The following IGLL5 variants were observed in gnomAD, a reference collection of about 807,000 sequenced individuals.
The protein encoded by IGLL5 is immunoglobulin lambda like polypeptide 5, also known as immunoglobulin lambda-like polypeptide 5.
A neutral mutation model predicts 20.9 loss-of-function variants in IGLL5; 30 were observed. That is an observed-to-expected ratio of 1.44 (90% CI 1.07 to 1.95). IGLL5 has a LOEUF of 1.95. IGLL5 is among the 30% of genes most tolerant of loss of function. The pLI, the probability that IGLL5 is intolerant of heterozygous loss-of-function variation, is 0.00. For missense variants in IGLL5, 475 were observed against 270.7 expected, an observed-to-expected ratio of 1.75 and a Z score of -5.30; for synonymous variants, 203 against 117.3, an observed-to-expected ratio of 1.73 and a Z score of -4.72.
chr22:22,892,799 C>A (rs6003382), intron 1 of IGLL5, among the ~76,000 whole-genome samples: 3,426 of 150,968 alleles, frequency 0.023, 136 homozygotes, highest in African/African-American at 0.074. Context: ...AATTAGGAGA[C>A]TACAGAGAGC....
At position 22,890,591 on chromosome 22, in the gene IGLL5, GTGTGTGTGTA is replaced by G. The variant is rs1268971533; in HGVS notation, c.206+2338_206+2347del. On this transcript the variant is annotated intron_variant, in intron 1 of 2. Coordinates refer to ENST00000526893, the MANE Select transcript of IGLL5 (RefSeq NM_001178126.2). The stretch of plus-strand genomic sequence containing the variant: ...TGTGTGTGTGTGTGTGTGTGTGTGT[GTGTGTGTGTA>G]TGTGTACAAAGTGCACTTATATATC... Among the ~76,000 whole-genome samples the G allele has an allele frequency of 5.3e-3, 750 of 141,584 alleles. 12 individuals are homozygous for G. Among genetic ancestry groups the G allele is most frequent in the African/African-American group, 0.019 (649 of 34,486 alleles). 92.9% of individuals were successfully genotyped at this position (141,584 alleles called of 152,430 possible). A position where few individuals can be genotyped will look rare whatever the true frequency, so the allele number is the denominator to read the frequency against.
At position 22,888,158 on chromosome 22, in the gene IGLL5, C is replaced by T. The variant is rs1393753633; in HGVS notation, c.105C>T (p.Ala35=). The T allele has an allele frequency of 1.3e-6, 2 of 1,549,328 alleles. No homozygotes were observed. The highest frequency in any genetic ancestry group is 2.5e-5 in the East Asian group (1 of 40,650). ...PLLLLGLAMV[A]HGLLRPMVAP... ...TGCTGCTGGGTCTGGCCATGGTCGC[C>T]CATGGCCTGCTGCGCCCAATGGTTG... The change falls in exon 1 of 3, where the codon GCC becomes GCT. Residue 35 remains alanine (A), a synonymous_variant. Coordinates refer to ENST00000526893, the MANE Select transcript of IGLL5 (RefSeq NM_001178126.2).
intron 1 of IGLL5, among the ~76,000 whole-genome samples, chr22:22,889,058 T>G (rs191888762): frequency 4.0e-5 from 6 of 151,096 alleles, no homozygotes; most frequent in Admixed American, 1.3e-4. Context: ...CCAGGACGAG[T>G]CCTTGGATGG....
At position 22,887,977 on chromosome 22, in the gene IGLL5, G is replaced by A. The variant is rs550913313; in HGVS notation, c.-77G>A. ...GGTGTACTGTAACAGCCCTGCTGGC[G>A]AGAGGGACCAGGGCACCGTCCTCCA... is the stretch of plus-strand genomic sequence containing the variant. On this transcript the variant is annotated 5_prime_UTR_variant, in exon 1 of 3. Transcript: ENST00000526893. 1.4e-5 allele frequency: 16 copies of A among 1,180,304 alleles called. No homozygotes were observed. The highest frequency in any genetic ancestry group is 2.6e-5 in the East Asian group (1 of 38,980). 73.1% of individuals were successfully genotyped at this position (1,180,304 alleles called of 1,614,324 possible).
intron 1 of IGLL5, among the ~76,000 whole-genome samples, chr22:22,889,611 A>C: frequency 6.6e-6 from 1 of 151,192 alleles, no homozygotes; most frequent in African/African-American, 2.4e-5. Context: ...TTGTTTTGAA[A>C]CAGTCTTGAT....
At chr22:22,889,143 C>T (rs1220807303) in intron 1 of IGLL5, among the ~76,000 whole-genome samples, 3 of 150,980 alleles carry the variant, frequency 2.0e-5, no homozygotes, top group Non-Finnish European at 2.9e-5. Context: ...GCTGATGCGA[C>T]GCCCGATTAG....
At chr22:22,894,884 G>A (rs540214467) in intron 2 of IGLL5, among the ~76,000 whole-genome samples, 1 of 151,472 alleles carries the variant, frequency 6.6e-6, no homozygotes, top group Admixed American at 6.6e-5. Context: ...GGGATAGGAA[G>A]CTCCAGTTCA....
intron 2 of IGLL5, 145 bp downstream of exon 2, chr22:22,893,963 G>GCC: frequency 1.4e-6 from 1 of 692,772 alleles, no homozygotes; most frequent in African/African-American, 1.8e-5. Flanking sequence ...TGGAGGAGGT[G>GCC]CATTAGTCTC....
At chr22:22,888,299 A>G (rs775733805) in intron 1 of IGLL5, 40 bp downstream of exon 1, 5 of 1,535,146 alleles carry the variant, frequency 3.3e-6, no homozygotes, top group African/African-American at 1.4e-5. Flanking sequence ...GGGGTCCTGC[A>G]GCAGAGCTGG....
At chr22:22,888,720 C>T (rs2067636762) in intron 1 of IGLL5, among the ~76,000 whole-genome samples, 1 of 151,362 alleles carries the variant, frequency 6.6e-6, no homozygotes, top group African/African-American at 2.4e-5. Flanking sequence ...TTTGGTCTCC[C>T]CCAAGGCTGT....
intron 1 of IGLL5, among the ~76,000 whole-genome samples, chr22:22,890,121 A>C (rs2067777205): frequency 6.7e-6 from 1 of 150,296 alleles, no homozygotes; most frequent in Admixed American, 6.7e-5. Context: ...TAATGAGTAT[A>C]TTACAAAATG....
chr22:22,893,997 C>G (rs2067963919), intron 2 of IGLL5, among the ~76,000 whole-genome samples, 179 bp downstream of exon 2: 1 of 150,308 alleles, frequency 6.7e-6, no homozygotes, highest in East Asian at 2.0e-4. Flanking sequence ...GGAAGGGCCT[C>G]CACAGTGGGA....
At chr22:22,893,982 C>CTT in intron 2 of IGLL5, among the ~76,000 whole-genome samples, 164 bp downstream of exon 2, 1 of 151,158 alleles carries the variant, frequency 6.6e-6, no homozygotes, top group Admixed American at 6.6e-5. Flanking sequence ...TCCGGGTAAC[C>CTT]GGCAGGAAGG....
At position 22,894,393 on chromosome 22, in the gene IGLL5, G is replaced by C. The variant is rs533995492; in HGVS notation, c.325+575G>C. Among the ~76,000 whole-genome samples, 12 of 151,426 alleles carry C rather than the reference G, an allele frequency of 7.9e-5. 1 individual carries two copies. Among genetic ancestry groups the C allele is most frequent in the South Asian group, 4.2e-4 (2 of 4,760 alleles). On this transcript the variant is annotated intron_variant, in intron 2 of 2. Coordinates refer to ENST00000526893, the MANE Select transcript of IGLL5 (RefSeq NM_001178126.2). ...CTCTGTGGCCTGTGCTGGGTCATGAGGACATGGGGACACAGAGGGACGGGT... is the reference window on the plus strand; with the variant it reads ...CTCTGTGGCCTGTGCTGGGTCATGACGACATGGGGACACAGAGGGACGGGT...
chr22:22,894,038 GAGCTGGGATT>G, intron 2 of IGLL5, among the ~76,000 whole-genome samples: 1 of 151,524 alleles, frequency 6.6e-6, no homozygotes, highest in African/African-American at 2.4e-5. Context: ...CCCGGGGCCT[GAGCTGGGATT>G]GGGCAGGGTC....
intron 1 of IGLL5, among the ~76,000 whole-genome samples, chr22:22,888,665 AGTGAGGGC>A (rs2067629490): frequency 6.6e-6 from 1 of 151,118 alleles, no homozygotes; most frequent in Non-Finnish European, 1.5e-5. Flanking sequence ...CCTCCTGCCC[AGTGAGGGC>A]AGGGGCCACT....
At chr22:22,888,790 T>A (rs189104805) in intron 1 of IGLL5, among the ~76,000 whole-genome samples, 5 of 150,866 alleles carry the variant, frequency 3.3e-5, no homozygotes, top group South Asian at 2.1e-4. Context: ...ACAGGGAGGG[T>A]GGGATGAACC....
chr22:22,888,829 GCC>G (rs1448251122), intron 1 of IGLL5, among the ~76,000 whole-genome samples: 1 of 151,458 alleles, frequency 6.6e-6, no homozygotes, highest in African/African-American at 2.4e-5. Flanking sequence ...ATTGGAACAG[GCC>G]CACGGCCCAT....
In IGLL5 at chr22:22,893,855, C is replaced by A. The variant is rs367608328; in HGVS notation, c.325+37C>A. On this transcript the variant is annotated intron_variant, in intron 2 of 2. Coordinates refer to ENST00000526893, the MANE Select transcript of IGLL5 (RefSeq NM_001178126.2). ...TCAACCTTTCCCAGCCTGTCTCACC[C>A]TCTGCTGTCCCTGGAAAATCTGTTT... 1.5e-4 allele frequency: 205 copies of A among 1,355,150 alleles called. No individual in the cohort carries two copies. The African/African-American group carries it at 2.5e-3, about 17-fold the overall frequency. 83.9% of individuals were successfully genotyped at this position (1,355,150 alleles called of 1,614,324 possible). A position where few individuals can be genotyped will look rare whatever the true frequency, so the allele number is the denominator to read the frequency against.
Sources: gnomAD v4.1 joint callset for allele counts (sites outside exome capture counted in the v4.1 genomes callset) on GRCh38, gnomAD v4.1.1 for gene constraint, MANE v1.5 for transcripts, NCBI Gene and HGNC (gene_info 2026-07-23, HGNC 2026-07-21) for gene names.